Variants in CADPS observed in about 807,000 individuals in gnomAD.
CADPS encodes the protein calcium-dependent secretion activator 1.
Under a neutral mutation model 167.3 loss-of-function variants are expected in CADPS, and 57 were observed. That is an observed-to-expected ratio of 0.34 (90% confidence interval 0.28 to 0.42). The LOEUF (loss-of-function observed/expected upper bound fraction) is 0.42, where lower values mean the gene tolerates loss of function less well. CADPS is among the 20% of genes least tolerant of loss of function. The pLI is 1.00. For missense variants in CADPS, 1,414 were observed against 1,738.1 expected (o/e 0.81, Z 3.32); for synonymous variants, 676 against 635.3 (o/e 1.06, Z -0.96).
At chr3:62,808,412 A>C (rs2094218806) in intron 1 of CADPS, among the ~76,000 whole-genome samples, 1 of 152,106 alleles carries the variant, frequency 6.6e-6, no homozygotes, top group Non-Finnish European at 1.5e-5. Flanking sequence ...CTGGTTACCT[A>C]TTCTTAAAGT....
chr3:62,449,423 T>C (rs932790039), intron 26 of CADPS, among the ~76,000 whole-genome samples: 2 of 152,198 alleles, frequency 1.3e-5, no homozygotes, highest in African/African-American at 4.8e-5. Flanking sequence ...AGCGGAGAAA[T>C]TGACAGAACC....
chr3:62,649,543 C>CTTTTTTTTTT lies in CADPS; in HGVS notation c.1203+1294_1203+1303dup, dbSNP rs369874258. On this transcript the variant is annotated intron_variant, in intron 5 of 29. Transcript: ENST00000383710. ...TCAAGGGAATCATACAATATGTGGT[C>CTTTTTTTTTT]TTTTTTTTTTTTTTTTTTTTTTTTT... Among the ~76,000 whole-genome samples, 29 of 37,802 alleles carry CTTTTTTTTTT rather than the reference C, an allele frequency of 7.7e-4. 3 individuals are homozygous for CTTTTTTTTTT. Among genetic ancestry groups the CTTTTTTTTTT allele is most frequent in the African/African-American group, 2.3e-3 (21 of 9,010 alleles). 24.8% of individuals were successfully genotyped at this position (37,802 alleles called of 152,430 possible). A position where few individuals can be genotyped will look rare whatever the true frequency, so the allele number is the denominator to read the frequency against.
chr3:62,579,664 G>A (rs1388023928), intron 8 of CADPS, among the ~76,000 whole-genome samples: 1 of 152,164 alleles, frequency 6.6e-6, no homozygotes, highest in Non-Finnish European at 1.5e-5. Context: ...AGGAGGAAAA[G>A]CAAGGAGGCC....
At chr3:62,624,480 G>C (rs1295014560) in intron 6 of CADPS, among the ~76,000 whole-genome samples, 1 of 151,840 alleles carries the variant, frequency 6.6e-6, no homozygotes, top group East Asian at 1.9e-4. Context: ...ATTTAAACTA[G>C]GGCTGGTAAT....
intron 4 of CADPS, among the ~76,000 whole-genome samples, chr3:62,656,256 C>G (rs1038213444): frequency 3.9e-5 from 6 of 152,110 alleles, no homozygotes; most frequent in African/African-American, 7.2e-5. Flanking sequence ...ATGATGGTGC[C>G]TATAGTAAAG....
At chr3:62,491,093 G>A (rs1376351182) in intron 21 of CADPS, among the ~76,000 whole-genome samples, 1 of 152,044 alleles carries the variant, frequency 6.6e-6, no homozygotes, top group Non-Finnish European at 1.5e-5. Flanking sequence ...TTTATCTTGT[G>A]CAATAAGAGA....
At chr3:62,555,089 C>G (rs1219986846) in intron 10 of CADPS, among the ~76,000 whole-genome samples, 1 of 152,086 alleles carries the variant, frequency 6.6e-6, no homozygotes, top group Non-Finnish European at 1.5e-5. Flanking sequence ...GTTAGACTTT[C>G]CCATGACAAC....
chr3:62,763,099 A>G (rs1299640275), intron 2 of CADPS, among the ~76,000 whole-genome samples: 2 of 152,232 alleles, frequency 1.3e-5, no homozygotes, highest in African/African-American at 2.4e-5. Context: ...AAATGGTTCC[A>G]GTGCAGCTGA....
intron 6 of CADPS, among the ~76,000 whole-genome samples, chr3:62,644,295 C>T (rs2068054779): frequency 6.6e-6 from 1 of 152,016 alleles, no homozygotes; most frequent in Admixed American, 6.6e-5. Flanking sequence ...AAAAGATGCT[C>T]ATTAGTCTAG....
intron 1 of CADPS, among the ~76,000 whole-genome samples, chr3:62,873,230 T>C: frequency 6.6e-6 from 1 of 152,228 alleles, no homozygotes; most frequent in East Asian, 1.9e-4. Flanking sequence ...TGTGTACACA[T>C]GTAAGCAAAA....
At chr3:62,488,573 A>C (rs1290978377) in intron 21 of CADPS, among the ~76,000 whole-genome samples, 1 of 152,050 alleles carries the variant, frequency 6.6e-6, no homozygotes, top group Admixed American at 6.5e-5. Context: ...GCTCACTGTA[A>C]CCTTGAACTC....
At chr3:62,456,725 C>T (rs1486545802) in intron 26 of CADPS, among the ~76,000 whole-genome samples, 3 of 149,902 alleles carry the variant, frequency 2.0e-5, no homozygotes, top group African/African-American at 7.4e-5. Flanking sequence ...GAAAAGCTCA[C>T]ACTCTCTCTC....
rs1424520631 is a variant in CADPS at position 62,875,063 on chromosome 3, C to T, written c.-34G>A. The T allele has an allele frequency of 1.9e-6, 3 of 1,556,474 alleles. No individual in the cohort carries two copies. Among genetic ancestry groups the T allele is most frequent in the Non-Finnish European group, 2.6e-6 (3 of 1,149,766 alleles). ...CTGGGGAGCGGGGTCTCTGGAGCCCCCGGCTTGGAGTGCAAAAGGTGGGGG... is the reference window on the plus strand; with the variant it reads ...CTGGGGAGCGGGGTCTCTGGAGCCCTCGGCTTGGAGTGCAAAAGGTGGGGG... On this transcript the variant is annotated 5_prime_UTR_variant, in exon 1 of 30. Transcript: ENST00000383710.
rs1020541279 is a variant in CADPS, at chr3:62,692,762, T to A, written c.889-30368A>T. On this transcript the variant is annotated intron_variant, in intron 3 of 29. Transcript: ENST00000383710. Reference sequence around the variant, plus strand: ...TAATACACAGCCCAAATTAGGTTTTTAAAGCAATGAAATAGAAACTGCTGG... The same window carrying A: ...TAATACACAGCCCAAATTAGGTTTTAAAAGCAATGAAATAGAAACTGCTGG... Among the ~76,000 whole-genome samples the A allele has an allele frequency of 1.2e-4, 18 of 152,206 alleles. 1 individual carries two copies. The highest frequency in any genetic ancestry group is 4.1e-4 in the African/African-American group (17 of 41,532).
intron 17 of CADPS, chr3:62,499,874 G>A (rs1247374636): frequency 6.6e-6 from 1 of 152,208 alleles, no homozygotes; most frequent in East Asian, 1.9e-4. Context: ...TGAATGGGTT[G>A]TGATAGTTTG....
At chr3:62,425,976 A>G (rs913165788) in intron 28 of CADPS, among the ~76,000 whole-genome samples, 2 of 152,156 alleles carry the variant, frequency 1.3e-5, no homozygotes, top group Non-Finnish European at 2.9e-5. Context: ...TTAGTCTAAG[A>G]AAGATTTCCT....
At chr3:62,650,210 C>G (rs1563338574) in intron 5 of CADPS, among the ~76,000 whole-genome samples, 2 of 152,142 alleles carry the variant, frequency 1.3e-5, no homozygotes, top group African/African-American at 4.8e-5. Context: ...GATCCTAGCT[C>G]AGTAGATCTG....
chr3:62,735,138 G>A (rs1390510030), intron 3 of CADPS, among the ~76,000 whole-genome samples: 6 of 152,094 alleles, frequency 3.9e-5, no homozygotes, highest in Admixed American at 3.3e-4. Flanking sequence ...GTAAATGACG[G>A]TATATTCATA....
chr3:62,656,808 C>T (rs972055578), intron 4 of CADPS, among the ~76,000 whole-genome samples: 14 of 152,112 alleles, frequency 9.2e-5, no homozygotes, highest in African/African-American at 2.9e-4. Context: ...TTTTCTAGGC[C>T]AGCTTATTTA....
Sources: allele counts gnomAD v4.1 joint callset (sites outside exome capture counted in the v4.1 genomes callset), GRCh38; gene constraint gnomAD v4.1.1; transcripts MANE v1.5; gene names NCBI Gene and HGNC (gene_info 2026-07-23, HGNC 2026-07-21).